Variants in SERGEF observed in about 807,000 individuals in gnomAD.
SERGEF encodes the protein secretion-regulating guanine nucleotide exchange factor.
A neutral mutation model predicts 50.0 loss-of-function variants in SERGEF; 51 were observed. The ratio of observed to expected loss-of-function variants is 1.02; its 90% CI spans 0.81 to 1.29. The LOEUF (loss-of-function observed/expected upper bound fraction) is 1.29. Among genes scored for constraint, SERGEF ranks in the 50% most tolerant of loss-of-function variants. SERGEF has a pLI of 0.00. For missense variants in SERGEF, 521 were observed against 557.0 expected (o/e 0.94, Z 0.65); for synonymous variants, 205 against 212.4 (o/e 0.97, Z 0.30).
At chr11:17,801,259 G>C (rs529876759) in intron 10 of SERGEF, among the ~76,000 whole-genome samples, 1 of 152,042 alleles carries the variant, frequency 6.6e-6, no homozygotes, top group Non-Finnish European at 1.5e-5. Context: ...GCCAGGTGAG[G>C]AGTTAGAAGT....
intron 9 of SERGEF, among the ~76,000 whole-genome samples, chr11:17,940,449 T>C (rs1391758253): frequency 6.6e-6 from 1 of 152,074 alleles, no homozygotes; most frequent in Non-Finnish European, 1.5e-5. Context: ...AACATGTACA[T>C]AACTTATTAT....
At chr11:17,826,025 G>A (rs1323430248) in intron 10 of SERGEF, among the ~76,000 whole-genome samples, 1 of 152,162 alleles carries the variant, frequency 6.6e-6, no homozygotes, top group Admixed American at 6.5e-5. Flanking sequence ...CAGATAAGAT[G>A]AAAATGGTGT....
chr11:17,983,511 A>T (rs1327779444), intron 8 of SERGEF, among the ~76,000 whole-genome samples: 1 of 152,222 alleles, frequency 6.6e-6, no homozygotes, highest in Non-Finnish European at 1.5e-5. Flanking sequence ...GGATGCTTTA[A>T]TACATCATCT....
intron 8 of SERGEF, among the ~76,000 whole-genome samples, chr11:17,961,308 G>A (rs1310801031): frequency 6.6e-6 from 1 of 152,068 alleles, no homozygotes; most frequent in Admixed American, 6.5e-5. Flanking sequence ...AAACCCATGT[G>A]CCCAGGACCC....
At chr11:17,984,277 T>C (rs796076479) in intron 8 of SERGEF, among the ~76,000 whole-genome samples, 8 of 152,236 alleles carry the variant, frequency 5.3e-5, no homozygotes, top group African/African-American at 1.7e-4. Context: ...ACAGGAAGCA[T>C]AGTTCGAGCA....
At chr11:17,788,498 T>A in intron 10 of SERGEF, 85 bp from the exon 11 acceptor site, 1 of 1,165,814 alleles carries the variant, frequency 8.6e-7, no homozygotes, top group Non-Finnish European at 1.2e-6. Flanking sequence ...GGTATCATCA[T>A]AAACCCCAGT....
chr11:17,944,736 C>T (rs1057491269), intron 9 of SERGEF, among the ~76,000 whole-genome samples: 1 of 152,232 alleles, frequency 6.6e-6, no homozygotes, highest in Non-Finnish European at 1.5e-5. Flanking sequence ...AAACCCGCTT[C>T]TCTCTGTTTG....
intron 10 of SERGEF, among the ~76,000 whole-genome samples, chr11:17,846,118 A>G (rs1487129551): frequency 6.6e-6 from 1 of 152,248 alleles, no homozygotes; most frequent in African/African-American, 2.4e-5. Context: ...CTGGGGAGAC[A>G]GAACAGAGCC....
chr11:17,848,333 G>T, intron 10 of SERGEF, among the ~76,000 whole-genome samples: 1 of 152,196 alleles, frequency 6.6e-6, no homozygotes, highest in East Asian at 1.9e-4. Flanking sequence ...CGAGACAAGG[G>T]AGTAAAGGGA....
At chr11:17,995,941 A>C (rs749208065) in intron 5 of SERGEF, 32 bp from the exon 6 acceptor site, 1 of 1,470,554 alleles carries the variant, frequency 6.8e-7, no homozygotes, top group Non-Finnish European at 9.5e-7. Context: ...AAAGCAGAGA[A>C]GATGCACATC....
At position 18,010,073 on chromosome 11, in the gene SERGEF, A is replaced by G. The variant is rs912773881; in HGVS notation, c.61-1997T>C. 27 of 1,187,472 alleles carry G rather than the reference A, an allele frequency of 2.3e-5. No individual in the cohort carries two copies. The African/African-American group carries it at 3.5e-4, about 15-fold the overall frequency. The allele number at this position is 1,187,472 out of a possible 1,614,324, so 73.6% of individuals were successfully genotyped here. On this transcript the variant is annotated intron_variant, in intron 1 of 10. Transcript: ENST00000265965. The stretch of plus-strand genomic sequence containing the variant: ...ATCTTTATAATTTATTCAAGTACCT[A>G]CTCCTAGCTGGTTCTTCCTGGAGAT...
chr11:17,862,111 C>G (rs900952347), intron 10 of SERGEF, among the ~76,000 whole-genome samples: 8 of 152,180 alleles, frequency 5.3e-5, no homozygotes, highest in African/African-American at 1.9e-4. Flanking sequence ...CTCTGCTCCC[C>G]TCCAGAGGCC....
intron 10 of SERGEF, among the ~76,000 whole-genome samples, chr11:17,792,412 G>A (rs1045897313): frequency 3.3e-5 from 5 of 152,220 alleles, no homozygotes; most frequent in South Asian, 2.1e-4. Flanking sequence ...CCAGCTGACC[G>A]TCAGCAGGGA....
Position 17,838,961 on chromosome 11 carries a change from T to A in SERGEF, c.1048+39247A>T, listed in dbSNP as rs181879479. Among the ~76,000 whole-genome samples, 318 of 152,284 alleles carry A rather than the reference T, an allele frequency of 2.1e-3. 6 individuals are homozygous for A. Among genetic ancestry groups the A allele is most frequent in the Admixed American group, 0.021 (317 of 15,294 alleles). ...AGTTGGGTGACCTAAGACAAACTAT[T>A]GCACCTTGCAGAGCCATGTTCTCTT... On this transcript the variant is annotated intron_variant, in intron 10 of 10. Transcript: ENST00000265965.
chr11:17,868,589 G>A (rs922303520), intron 10 of SERGEF, among the ~76,000 whole-genome samples: 3 of 152,032 alleles, frequency 2.0e-5, no homozygotes, highest in East Asian at 1.9e-4. Context: ...CCACATTTTC[G>A]GGTATCTTTT....
chr11:17,963,031 A>C (rs1323959766), intron 8 of SERGEF, among the ~76,000 whole-genome samples: 1 of 151,712 alleles, frequency 6.6e-6, no homozygotes, highest in Non-Finnish European at 1.5e-5. Context: ...AAAATACAAA[A>C]ATTAGCTGAG....
At chr11:17,911,150 AC>A (rs1304754999) in intron 9 of SERGEF, among the ~76,000 whole-genome samples, 2 of 151,950 alleles carry the variant, frequency 1.3e-5, no homozygotes, top group African/African-American at 4.8e-5. Context: ...TAAGCACTTT[AC>A]CTACTCAATC....
chr11:17,958,131 C>A (rs181431582), intron 9 of SERGEF, among the ~76,000 whole-genome samples: 314 of 152,188 alleles, frequency 2.1e-3, no homozygotes, highest in African/African-American at 7.3e-3. Context: ...CCCAGCACTA[C>A]GAAAAGGCCC....
intron 9 of SERGEF, among the ~76,000 whole-genome samples, chr11:17,937,388 A>G (rs1444934633): frequency 1.3e-5 from 2 of 151,902 alleles, no homozygotes; most frequent in Non-Finnish European, 2.9e-5. Context: ...AATACAAAAA[A>G]CAGCCAGGCG....
Sources: allele counts gnomAD v4.1 joint callset (sites outside exome capture counted in the v4.1 genomes callset), GRCh38; gene constraint gnomAD v4.1.1; transcripts MANE v1.5; gene names NCBI Gene and HGNC (gene_info 2026-07-23, HGNC 2026-07-21).